Variants in MAGI2 observed in about 807,000 individuals in gnomAD.
MAGI2 encodes the protein membrane associated guanylate kinase, WW and PDZ domain containing 2, also known as membrane-associated guanylate kinase, WW and PDZ domain-containing protein 2.
A neutral mutation model predicts 133.3 loss-of-function variants in MAGI2; 35 were observed. The observed-to-expected ratio is 0.26, with a 90% confidence interval of 0.20 to 0.35. MAGI2 has a LOEUF of 0.35. MAGI2 is among the 10% of genes least tolerant of loss of function. The pLI is 1.00. For missense variants in MAGI2, 1,636 were observed against 1,863.4 expected, an observed-to-expected ratio of 0.88 and a Z score of 2.25; for synonymous variants, 729 against 710.6, an observed-to-expected ratio of 1.03 and a Z score of -0.41.
intron 1 of MAGI2, among the ~76,000 whole-genome samples, chr7:79,326,922 C>A (rs1053335840): frequency 6.6e-6 from 1 of 152,104 alleles, no homozygotes; most frequent in African/African-American, 2.4e-5. Context: ...ATTCAGACAC[C>A]AAACTTCTGA....
chr7:78,529,291 A>C (rs902187217), intron 3 of MAGI2, among the ~76,000 whole-genome samples: 11 of 152,000 alleles, frequency 7.2e-5, no homozygotes, highest in African/African-American at 2.4e-4. Context: ...TTGTCCACAG[A>C]CTGGCTAGGG....
chr7:78,343,176 T>C (rs969271386), intron 9 of MAGI2, among the ~76,000 whole-genome samples: 1 of 152,230 alleles, frequency 6.6e-6, no homozygotes, highest in Non-Finnish European at 1.5e-5. Flanking sequence ...GTATTTTATA[T>C]GTTTCTGTCC....
chr7:78,201,573 C>G (rs117907831), intron 10 of MAGI2, among the ~76,000 whole-genome samples: 2,465 of 152,234 alleles, frequency 0.016, 37 homozygotes, highest in Middle Eastern at 0.048. Flanking sequence ...AGGTAAATAT[C>G]TTTGCTTGGT....
intron 2 of MAGI2, among the ~76,000 whole-genome samples, chr7:78,734,565 G>A (rs1402566053): frequency 2.0e-5 from 3 of 152,118 alleles, no homozygotes; most frequent in Non-Finnish European, 4.4e-5. Flanking sequence ...TAAGAGCAAA[G>A]TACATTTGAC....
chr7:78,356,233 A>T (rs1792065957), intron 7 of MAGI2, among the ~76,000 whole-genome samples: 1 of 152,172 alleles, frequency 6.6e-6, no homozygotes, highest in Non-Finnish European at 1.5e-5. Flanking sequence ...GGGAGAATGG[A>T]GGTAGTCAAC....
chr7:79,294,720 G>GTTT (rs1563086753), intron 1 of MAGI2, among the ~76,000 whole-genome samples: 3 of 82,162 alleles, frequency 3.7e-5, no homozygotes, highest in Admixed American at 1.5e-4. Flanking sequence ...TATTTTGGTA[G>GTTT]CTTTTTTTTT....
intron 2 of MAGI2, among the ~76,000 whole-genome samples, chr7:78,711,562 A>C (rs1819192069): frequency 6.6e-6 from 1 of 151,520 alleles, no homozygotes; most frequent in Non-Finnish European, 1.5e-5. Flanking sequence ...TGACCATTGG[A>C]AATGTTATGT....
chr7:78,707,234 A>AG (rs1223008202), intron 2 of MAGI2, among the ~76,000 whole-genome samples: 1 of 152,154 alleles, frequency 6.6e-6, no homozygotes, highest in African/African-American at 2.4e-5. Context: ...GACCAAGGGA[A>AG]GGGAAAAAAA....
chr7:79,308,897 G>A (rs1838033120), intron 1 of MAGI2, among the ~76,000 whole-genome samples: 1 of 152,038 alleles, frequency 6.6e-6, no homozygotes, highest in African/African-American at 2.4e-5. Context: ...ATATTTATGA[G>A]AATTTCCTAG....
intron 1 of MAGI2, among the ~76,000 whole-genome samples, chr7:79,065,643 T>C (rs1434665537): frequency 6.6e-6 from 1 of 152,152 alleles, no homozygotes; most frequent in Non-Finnish European, 1.5e-5. Context: ...ACATGTGCCA[T>C]AGTGGTTTGC....
chr7:78,668,105 T>A (rs1269034298), intron 2 of MAGI2, among the ~76,000 whole-genome samples: 4 of 152,218 alleles, frequency 2.6e-5, no homozygotes, highest in Admixed American at 2.6e-4. Flanking sequence ...TGAGATGGTA[T>A]CTCATTGTGG....
intron 1 of MAGI2, among the ~76,000 whole-genome samples, chr7:79,431,570 C>G (rs1376345952): frequency 6.6e-6 from 1 of 152,060 alleles, no homozygotes; most frequent in East Asian, 1.9e-4. Flanking sequence ...TGACACAATA[C>G]TGAAATTCAG....
At chr7:78,778,366 T>G (rs1337056065) in intron 2 of MAGI2, among the ~76,000 whole-genome samples, 1 of 152,226 alleles carries the variant, frequency 6.6e-6, no homozygotes, top group Non-Finnish European at 1.5e-5. Flanking sequence ...CTGCTTTTGA[T>G]TCTCACCTTA....
chr7:78,745,485 G>A (rs1822840904), intron 2 of MAGI2, among the ~76,000 whole-genome samples: 1 of 151,968 alleles, frequency 6.6e-6, no homozygotes, highest in Non-Finnish European at 1.5e-5. Flanking sequence ...TGTCAAGGTG[G>A]TCAAGGTGTG....
At chr7:78,474,179 G>GA (rs34727716) in intron 6 of MAGI2, among the ~76,000 whole-genome samples, 50,832 of 151,726 alleles carry the variant, frequency 0.34, 10,267 homozygotes, top group East Asian at 0.56. Flanking sequence ...TCTTATTTGA[G>GA]AAAAAAATTA....
intron 1 of MAGI2, among the ~76,000 whole-genome samples, chr7:79,244,553 G>A (rs972610491): frequency 6.6e-6 from 1 of 152,170 alleles, no homozygotes; most frequent in Admixed American, 6.5e-5. Context: ...CATAGAGGGA[G>A]CATTTAGACC....
At chr7:79,136,001 AAG>A (rs375189000) in intron 1 of MAGI2, among the ~76,000 whole-genome samples, 14,367 of 35,066 alleles carry the variant, frequency 0.41, 4,046 homozygotes, top group Middle Eastern at 0.56. Flanking sequence ...GAAAGAAAGA[AAG>A]AGAAAGAAAG....
intron 2 of MAGI2, among the ~76,000 whole-genome samples, chr7:78,668,147 T>C (rs1162685289): frequency 1.3e-5 from 2 of 152,228 alleles, no homozygotes; most frequent in Non-Finnish European, 2.9e-5. Flanking sequence ...TGGCCAGTGA[T>C]GGTGAGCATT....
At chr7:78,296,051 C>T (rs780212400) in intron 9 of MAGI2, among the ~76,000 whole-genome samples, 1 of 152,172 alleles carries the variant, frequency 6.6e-6, no homozygotes, top group African/African-American at 2.4e-5. Context: ...CTATAACGCT[C>T]CCTTTCTTTG....
Sources: allele counts gnomAD v4.1 joint callset (sites outside exome capture counted in the v4.1 genomes callset), GRCh38; gene constraint gnomAD v4.1.1; transcripts MANE v1.5; gene names NCBI Gene and HGNC (gene_info 2026-07-23, HGNC 2026-07-21).